Variants in TTC28 observed in about 807,000 individuals in gnomAD.
TTC28 encodes tetratricopeptide repeat domain 28, also known as tetratricopeptide repeat protein 28.
TTC28 carries 61 observed loss-of-function variants against 198.0 expected under a neutral mutation model. The ratio of observed to expected loss-of-function variants is 0.31; its 90% CI spans 0.25 to 0.38. The LOEUF (loss-of-function observed/expected upper bound fraction) is 0.38, where lower values mean the gene tolerates loss of function less well. Among genes scored for constraint, TTC28 ranks in the 10% least tolerant of loss-of-function variants. TTC28 has a pLI of 1.00. For synonymous variants in TTC28, 1,171 were observed against 1,297.8 expected (o/e 0.90, Z 2.10); for missense variants, 2,678 against 3,164.0 (o/e 0.85, Z 3.69).
intron 12 of TTC28, among the ~76,000 whole-genome samples, chr22:28,062,467 AT>A (rs1940586925): frequency 2.6e-5 from 1 of 38,330 alleles, no homozygotes; most frequent in South Asian, 5.5e-4. Flanking sequence ...ATTCTACTTT[AT>A]TTTGGCTTTT....
chr22:28,001,303 C>A, intron 15 of TTC28, 71 bp downstream of exon 15: 1 of 1,497,292 alleles, frequency 6.7e-7, no homozygotes, highest in South Asian at 1.3e-5. Context: ...ACAGCCCAGT[C>A]CGACCAGATA....
chr22:28,064,601 T>C (rs1225179297), intron 12 of TTC28, among the ~76,000 whole-genome samples: 5 of 152,166 alleles, frequency 3.3e-5, no homozygotes, highest in Non-Finnish European at 1.5e-5. Flanking sequence ...TTTTACTCCA[T>C]AAAATATCAT....
chr22:28,450,848 A>C (rs750982827), intron 2 of TTC28, among the ~76,000 whole-genome samples: 1 of 152,214 alleles, frequency 6.6e-6, no homozygotes, highest in African/African-American at 2.4e-5. Flanking sequence ...TAGGCAGCAC[A>C]GTACTATGAA....
chr22:28,663,415 AG>A (rs1440754392), intron 1 of TTC28, among the ~76,000 whole-genome samples: 1 of 148,102 alleles, frequency 6.8e-6, no homozygotes, highest in Admixed American at 6.8e-5. Context: ...AGTGCCAGAC[AG>A]TGGGCGCAGG....
chr22:28,579,211 AC>A (rs1051450888), intron 2 of TTC28, among the ~76,000 whole-genome samples: 20 of 150,698 alleles, frequency 1.3e-4, no homozygotes, highest in African/African-American at 4.9e-4. Context: ...ATATACACAT[AC>A]ATACATACAC....
chr22:28,377,043 CAGATTCTAAAG>C (rs1724789339), intron 2 of TTC28, among the ~76,000 whole-genome samples: 1 of 150,996 alleles, frequency 6.6e-6, no homozygotes, highest in African/African-American at 2.4e-5. Context: ...TAGGACGTAA[CAGATTCTAAAG>C]TTAAAAAAAA....
chr22:28,334,077 C>A (rs2045663718), intron 2 of TTC28, among the ~76,000 whole-genome samples: 1 of 149,158 alleles, frequency 6.7e-6, no homozygotes, highest in African/African-American at 2.5e-5. Context: ...GTTCAATTCC[C>A]ACCTATGAGT....
intron 2 of TTC28, among the ~76,000 whole-genome samples, chr22:28,392,193 G>A (rs896246517): frequency 6.6e-6 from 1 of 152,214 alleles, no homozygotes. Context: ...GAGGCAGTCT[G>A]CCCGTTCTCA....
intron 5 of TTC28, among the ~76,000 whole-genome samples, chr22:28,186,807 T>C (rs925510147): frequency 6.6e-6 from 1 of 152,120 alleles, no homozygotes; most frequent in Non-Finnish European, 1.5e-5. Flanking sequence ...GAGAAATCAA[T>C]GGAAGGCAGA....
At chr22:28,438,642 C>T (rs2047561927) in intron 2 of TTC28, among the ~76,000 whole-genome samples, 1 of 152,202 alleles carries the variant, frequency 6.6e-6, no homozygotes. Context: ...GTCTTATTTA[C>T]ACAGTGTTAT....
chr22:28,272,815 G>A (rs5762543), intron 5 of TTC28, among the ~76,000 whole-genome samples: 1,633 of 152,250 alleles, frequency 0.011, 88 homozygotes, highest in Admixed American at 0.078. Flanking sequence ...AGCTACCAAG[G>A]AAGCCAAGAT....
intron 6 of TTC28, among the ~76,000 whole-genome samples, chr22:28,133,434 A>G (rs1206777531): frequency 1.3e-5 from 2 of 152,184 alleles, no homozygotes; most frequent in Non-Finnish European, 2.9e-5. Context: ...CAGGAAGTGC[A>G]AGGGGTCAGG....
At position 28,575,940 on chromosome 22, in the gene TTC28, T is replaced by G. The variant is rs2050140914; in HGVS notation, c.381+53612A>C. On this transcript the variant is annotated intron_variant, in intron 2 of 22. Coordinates refer to ENST00000397906, the MANE Select transcript of TTC28 (RefSeq NM_001145418.2). ...TATCCAAATATAAAATCACATCATC[T>G]GTAAAAACAGATAATTTGACTTATT... Among the ~76,000 whole-genome samples the G allele has an allele frequency of 2.6e-5, 4 of 152,200 alleles. No homozygotes were observed. The South Asian group carries it at 8.3e-4, about 31-fold the overall frequency.
chr22:28,180,799 G>A (rs1174448725), intron 5 of TTC28, among the ~76,000 whole-genome samples: 1 of 152,108 alleles, frequency 6.6e-6, no homozygotes, highest in Non-Finnish European at 1.5e-5. Flanking sequence ...ACAAAGAAGA[G>A]GCTTAAATAC....
intron 5 of TTC28, among the ~76,000 whole-genome samples, chr22:28,276,590 G>T (rs2044477551): frequency 6.6e-6 from 1 of 152,158 alleles, no homozygotes; most frequent in African/African-American, 2.4e-5. Context: ...AGAGATTAGG[G>T]ATGATAGTCA....
chr22:28,640,482 T>C (rs1382165804), intron 1 of TTC28, among the ~76,000 whole-genome samples: 5 of 151,804 alleles, frequency 3.3e-5, no homozygotes, highest in South Asian at 4.2e-4. Flanking sequence ...TCATAAAATA[T>C]TGAACCCATA....
chr22:28,588,982 C>T (rs2050374293), intron 2 of TTC28, among the ~76,000 whole-genome samples: 1 of 152,172 alleles, frequency 6.6e-6, no homozygotes. Context: ...GGAAAAATTA[C>T]CACCTTTCAC....
In TTC28 at chr22:28,107,137, T is replaced by C; in HGVS notation, c.2708A>G (p.Tyr903Cys). The change falls in exon 7 of 23, where the codon TAT (tyrosine) becomes TGT (cysteine). Residue 903 changes from tyrosine (Y) to cysteine (C), a missense_variant. By Grantham distance (194) the Tyr-to-Cys change is radical. This residue lies in a region of TTC28 where 775 missense variants were observed against 845.9 expected (regional missense o/e 0.92). Coordinates refer to ENST00000397906, the MANE Select transcript of TTC28 (RefSeq NM_001145418.2). ...YEEAIKYYEQ[Y>C]LSVAQSLNRM... ...ATTCAGACTCTGCGCGACAGATAAA[T>C]ATTGTTCATAGTATTTGATAGCTTC... The C allele has an allele frequency of 1.3e-6, 2 of 1,551,684 alleles. No individual in the cohort carries two copies. The highest frequency in any genetic ancestry group is 2.4e-5 in the South Asian group (2 of 84,062).
chr22:28,535,378 C>T (rs1184031045), intron 2 of TTC28, among the ~76,000 whole-genome samples: 1 of 152,104 alleles, frequency 6.6e-6, no homozygotes, highest in African/African-American at 2.4e-5. Flanking sequence ...CAAAGGTAAC[C>T]ACAGCACAGA....
Sources: allele counts gnomAD v4.1 joint callset (sites outside exome capture counted in the v4.1 genomes callset), GRCh38; gene constraint gnomAD v4.1.1; regional missense constraint gnomAD v4.1.1; transcripts MANE v1.5; gene names NCBI Gene and HGNC (gene_info 2026-07-23, HGNC 2026-07-21).